The following RBBP4 variants were observed in gnomAD, a reference collection of about 807,000 sequenced individuals.
RBBP4 encodes the protein histone-binding protein RBBP4.
Under a neutral mutation model 57.2 loss-of-function variants are expected in RBBP4, and 3 were observed. That is an observed-to-expected ratio of 0.05 (90% CI 0.02 to 0.14). The LOEUF (loss-of-function observed/expected upper bound fraction) is 0.14, where lower values mean the gene tolerates loss of function less well. Ranked by LOEUF, RBBP4 falls within the 10% of genes least tolerant of loss-of-function variation. RBBP4 has a pLI of 1.00. For synonymous variants in RBBP4, 151 were observed against 171.5 expected, an observed-to-expected ratio of 0.88 and a Z score of 0.93; for missense variants, 107 against 520.6, an observed-to-expected ratio of 0.21 and a Z score of 7.73.
chr1:32,673,881 G>A (rs1398371422), intron 11 of RBBP4, among the ~76,000 whole-genome samples: 3 of 152,028 alleles, frequency 2.0e-5, no homozygotes, highest in Non-Finnish European at 2.9e-5. Flanking sequence ...GGTGGATCAC[G>A]AGGTCAGGAG....
In RBBP4 at chr1:32,651,282, G is replaced by C; in HGVS notation, c.-25G>C. The C allele has an allele frequency of 1.5e-5, 23 of 1,492,964 alleles. No homozygotes were observed. The highest frequency in any genetic ancestry group is 1.7e-5 in the Non-Finnish European group (19 of 1,121,942). 92.5% of individuals were successfully genotyped at this position (1,492,964 alleles called of 1,614,324 possible). ...CCCCTCCCGCAACGCTCGACCCCAG[G>C]ATTCCCCCGGCTCGCCTGCCCGCCA... On this transcript the variant is annotated 5_prime_UTR_variant, in exon 1 of 12. Transcript: ENST00000373493.
intron 3 of RBBP4, 56 bp from the exon 4 acceptor site, chr1:32,668,169 G>A (rs1570857130): frequency 6.6e-7 from 1 of 1,506,448 alleles, no homozygotes; most frequent in Admixed American, 2.0e-5. Context: ...TTATACTCTG[G>A]GTAACCTCTA....
rs1388234390 is a variant in RBBP4, at chr1:32,686,112, T to C, written c.*6407T>C. The C allele has an allele frequency of 6.6e-6, 1 of 152,226 alleles. No homozygotes were observed. Among genetic ancestry groups the C allele is most frequent in the African/African-American group, 2.4e-5 (1 of 41,466 alleles). 9.4% of individuals were successfully genotyped at this position (152,226 alleles called of 1,614,324 possible). On this transcript the variant is annotated 3_prime_UTR_variant, in exon 12 of 12. Coordinates refer to ENST00000373493, the MANE Select transcript of RBBP4 (RefSeq NM_005610.3). ...GTAAGTGTAAAATACACAGCAGATTTCTAAGACAGCACACAAAATGTAAAA... is the reference window on the plus strand; with the variant it reads ...GTAAGTGTAAAATACACAGCAGATTCCTAAGACAGCACACAAAATGTAAAA...
At chr1:32,659,045 TTATA>T (rs978909136) in intron 3 of RBBP4, among the ~76,000 whole-genome samples, 13 of 147,030 alleles carry the variant, frequency 8.8e-5, no homozygotes, top group African/African-American at 3.2e-4. Context: ...TGTATTATAT[TTATA>T]TATAAATATA....
At chr1:32,658,147 C>A (rs1441913123) in intron 3 of RBBP4, among the ~76,000 whole-genome samples, 1 of 152,154 alleles carries the variant, frequency 6.6e-6, no homozygotes, top group Non-Finnish European at 1.5e-5. Context: ...GCCACTGCAC[C>A]CATCCATATT....
At chr1:32,651,683 C>T (rs1647692296) in intron 1 of RBBP4, 4 of 754,462 alleles carry the variant, frequency 5.3e-6, no homozygotes, top group South Asian at 4.3e-5. Flanking sequence ...GAGCGTGCTC[C>T]GAAGGCCTGG....
Position 32,668,993 on chromosome 1 carries a change from A to G in RBBP4, c.622A>G (p.Ser208Gly). 1 of 1,614,146 alleles carries G rather than the reference A, an allele frequency of 6.2e-7. No individual in the cohort carries two copies. The change falls in exon 6 of 12, where the codon AGT becomes GGT. Residue 208 changes from serine to glycine, a missense_variant. By Grantham distance (56) the Ser-to-Gly change is moderately conservative. Coordinates refer to ENST00000373493, the MANE Select transcript of RBBP4 (RefSeq NM_005610.3). ...TAAGACCATCTGCCTGTGGGACATC[A>G]GTGCCGTTCCAAAGGAGGGAAAAGT... ...DDHTICLWDI[S>G]AVPKEGKVVD...
intron 3 of RBBP4, among the ~76,000 whole-genome samples, chr1:32,664,129 C>T (rs894278129): frequency 1.1e-4 from 17 of 151,934 alleles, no homozygotes; most frequent in African/African-American, 3.6e-4. Context: ...GGGGTTTTAC[C>T]GTGTTAGCCA....
In RBBP4 at chr1:32,680,141, A is replaced by G. The variant is rs9851; in HGVS notation, c.*436A>G. ...CAGGAAATAGGGGGAGATTCAAGTC[A>G]TATAGATTCCTACTCGAAAATCTTG... On this transcript the variant is annotated 3_prime_UTR_variant, in exon 12 of 12. Transcript: ENST00000373493. 807,256 of 1,073,852 alleles carry G rather than the reference A, an allele frequency of 0.75. 311,709 individuals are homozygous for G. The highest frequency in any genetic ancestry group is 0.79 in the Non-Finnish European group (699,090 of 888,528). The allele number at this position is 1,073,852 out of a possible 1,614,324, so 66.5% of individuals were successfully genotyped here.
In RBBP4 at chr1:32,684,101, G is replaced by T. The variant is rs905859980; in HGVS notation, c.*4396G>T. On this transcript the variant is annotated 3_prime_UTR_variant, in exon 12 of 12. Transcript: ENST00000373493. The stretch of plus-strand genomic sequence containing the variant: ...GTAGTAGCATAGCCCTTTAAAAAGA[G>T]AGAGCCATTTTCCATGTGTTTTTGG... 69 of 1,612,722 alleles carry T rather than the reference G, an allele frequency of 4.3e-5. No individual in the cohort carries two copies. Among genetic ancestry groups the T allele is most frequent in the Non-Finnish European group, 5.7e-5 (67 of 1,179,310 alleles).
intron 8 of RBBP4, among the ~76,000 whole-genome samples, chr1:32,671,032 T>C (rs907216714): frequency 6.6e-6 from 1 of 152,168 alleles, no homozygotes; most frequent in Admixed American, 6.6e-5. Flanking sequence ...AATGCCCTCT[T>C]TTTCTGTACC....
At chr1:32,666,184 A>G (rs1013307287) in intron 3 of RBBP4, among the ~76,000 whole-genome samples, 1 of 152,156 alleles carries the variant, frequency 6.6e-6, no homozygotes, top group Non-Finnish European at 1.5e-5. Flanking sequence ...CACTGTAAGG[A>G]GAAGATAAAC....
At position 32,663,736 on chromosome 1, in the gene RBBP4, C is replaced by T. The variant is rs188360748; in HGVS notation, c.311-4489C>T. ...GGACTACAGGCGCCTGCCACCATGC[C>T]CAGCTAATTTTCTGTATTTTTAGTA... On this transcript the variant is annotated intron_variant, in intron 3 of 11. Coordinates refer to ENST00000373493, the MANE Select transcript of RBBP4 (RefSeq NM_005610.3). 5.8e-3 allele frequency among the ~76,000 whole-genome samples: 876 copies of T among 151,758 alleles called. 5 individuals carry two copies. Among genetic ancestry groups the T allele is most frequent in the Non-Finnish European group, 1.0e-2 (677 of 67,974 alleles).
intron 1 of RBBP4, 190 bp from the exon 2 acceptor site, chr1:32,651,724 G>A: frequency 1.2e-6 from 1 of 805,762 alleles, no homozygotes; most frequent in South Asian, 1.9e-5. Flanking sequence ...GGGTAACGGA[G>A]TGTTTGGCGG....
At chr1:32,659,043 ATT>A (rs1447925997) in intron 3 of RBBP4, among the ~76,000 whole-genome samples, 197 of 147,382 alleles carry the variant, frequency 1.3e-3, no homozygotes, top group African/African-American at 4.5e-3. Context: ...AATGTATTAT[ATT>A]TATATATAAA....
Position 32,668,983 on chromosome 1 carries a change from G to A in RBBP4, c.612G>A (p.Leu204=), listed in dbSNP as rs1269384304. The stretch of plus-strand genomic sequence containing the variant: ...ATTTTACATTTAAGACCATCTGCCT[G>A]TGGGACATCAGTGCCGTTCCAAAGG... ...LSASDDHTIC[L]WDISAVPKEG... The change falls in exon 6 of 12, where the codon CTG becomes CTA. Residue 204 remains leucine (L), a synonymous_variant. Transcript: ENST00000373493. 6.2e-7 allele frequency: 1 copy of A among 1,613,996 alleles called. No homozygotes were observed. The highest frequency in any genetic ancestry group is 1.3e-5 in the African/African-American group (1 of 74,930).
intron 2 of RBBP4, among the ~76,000 whole-genome samples, chr1:32,655,245 G>A (rs12406480): frequency 0.11 from 16,817 of 152,038 alleles, 1,718 homozygotes; most frequent in African/African-American, 0.26. Context: ...CCAAAGTGCT[G>A]GGATTACAGA....
rs758892325 is a variant in RBBP4, at chr1:32,679,738, C to A, written c.*33C>A. On this transcript the variant is annotated 3_prime_UTR_variant, in exon 12 of 12. Transcript: ENST00000373493. ...TTTACTTGTTGTGATTTTAGACTCC[C>A]CTTTTTTCTTCTCAACCCTGAGAGT... 2 of 1,611,712 alleles carry A rather than the reference C, an allele frequency of 1.2e-6. No individual in the cohort carries two copies. Among genetic ancestry groups the A allele is most frequent in the Non-Finnish European group, 1.7e-6 (2 of 1,179,038 alleles).
intron 3 of RBBP4, among the ~76,000 whole-genome samples, chr1:32,667,694 T>C (rs1648712696): frequency 6.6e-6 from 1 of 152,186 alleles, no homozygotes; most frequent in Admixed American, 6.6e-5. Context: ...GATAGTAATA[T>C]AATACAGCCA....
Sources: allele counts gnomAD v4.1 joint callset (sites outside exome capture counted in the v4.1 genomes callset), GRCh38; gene constraint gnomAD v4.1.1; transcripts MANE v1.5; gene names NCBI Gene and HGNC (gene_info 2026-07-23, HGNC 2026-07-21).